Variants in TSHZ2 observed in about 807,000 individuals in gnomAD.
The protein encoded by TSHZ2 is teashirt zinc finger homeobox 2, also known as teashirt homolog 2.
A neutral mutation model predicts 74.4 loss-of-function variants in TSHZ2; 21 were observed. The ratio of observed to expected loss-of-function variants is 0.28; its 90% CI spans 0.20 to 0.41. The LOEUF (loss-of-function observed/expected upper bound fraction) is 0.41, where lower values mean the gene tolerates loss of function less well. Among genes scored for constraint, TSHZ2 ranks in the 10% least tolerant of loss-of-function variants. TSHZ2 has a pLI of 1.00. For synonymous variants in TSHZ2, 540 were observed against 515.3 expected, an observed-to-expected ratio of 1.05 and a Z score of -0.65; for missense variants, 1,244 against 1,293.5, an observed-to-expected ratio of 0.96 and a Z score of 0.59.
At chr20:53,394,139 C>G (rs1982359271) in intron 2 of TSHZ2, among the ~76,000 whole-genome samples, 1 of 152,108 alleles carries the variant, frequency 6.6e-6, no homozygotes, top group Admixed American at 6.6e-5. Flanking sequence ...GATTTATATT[C>G]CCTCAATAAG....
Position 53,475,072 on chromosome 20 carries a change from C to A in TSHZ2, c.*9-12072C>A, listed in dbSNP as rs1985950416. ...ACATTAATAATGGGAGACTTTAACACCCCACTGTCAACATTAGACAGATCA... is the reference window on the plus strand; with the variant it reads ...ACATTAATAATGGGAGACTTTAACAACCCACTGTCAACATTAGACAGATCA... On this transcript the variant is annotated intron_variant, in intron 2 of 2. Transcript: ENST00000371497. Among the ~76,000 whole-genome samples the A allele has an allele frequency of 1.4e-5, 2 of 139,072 alleles. 1 individual carries two copies. Among genetic ancestry groups the A allele is most frequent in the African/African-American group, 5.6e-5 (2 of 35,642 alleles). The allele number at this position is 139,072 out of a possible 152,430, so 91.2% of individuals were successfully genotyped here.
At chr20:53,144,716 G>C (rs918553607) in intron 1 of TSHZ2, among the ~76,000 whole-genome samples, 24 of 152,100 alleles carry the variant, frequency 1.6e-4, no homozygotes, top group African/African-American at 5.8e-4. Context: ...TCTGACTCCG[G>C]AGCTGTGCTC....
intron 2 of TSHZ2, among the ~76,000 whole-genome samples, chr20:53,405,248 C>CAAAAAAAA (rs796097312): frequency 3.7e-4 from 53 of 143,146 alleles, no homozygotes; most frequent in East Asian, 1.4e-3. Context: ...GACTCTGTCT[C>CAAAAAAAA]AAAAAAAAAA....
chr20:53,025,814 A>T (rs1380257589), intron 1 of TSHZ2, among the ~76,000 whole-genome samples: 1 of 152,170 alleles, frequency 6.6e-6, no homozygotes, highest in Non-Finnish European at 1.5e-5. Context: ...ATGTAATATG[A>T]GCTTCCAATT....
At chr20:53,198,520 G>A (rs1422648892) in intron 1 of TSHZ2, among the ~76,000 whole-genome samples, 2 of 152,166 alleles carry the variant, frequency 1.3e-5, no homozygotes, top group Non-Finnish European at 2.9e-5. Flanking sequence ...GGAACCACAC[G>A]TCAAATCTCA....
At chr20:53,213,697 C>CT (rs11480283) in intron 1 of TSHZ2, among the ~76,000 whole-genome samples, 93,563 of 145,234 alleles carry the variant, frequency 0.64, 30,354 homozygotes, top group East Asian at 0.9. Flanking sequence ...ACTAATTGGA[C>CT]TTTTTTTTTT....
intron 1 of TSHZ2, among the ~76,000 whole-genome samples, chr20:53,113,943 A>G (rs1438509037): frequency 6.6e-6 from 1 of 152,036 alleles, no homozygotes; most frequent in African/African-American, 2.4e-5. Flanking sequence ...AAAGGTCCAT[A>G]TAGTCAGGGC....
chr20:53,100,498 A>C (rs999435974), intron 1 of TSHZ2, among the ~76,000 whole-genome samples: 5 of 152,196 alleles, frequency 3.3e-5, no homozygotes, highest in African/African-American at 1.2e-4. Context: ...CTACCACAGG[A>C]TAATGCTTTT....
chr20:53,136,820 A>C (rs1987256506), intron 1 of TSHZ2, among the ~76,000 whole-genome samples: 1 of 152,170 alleles, frequency 6.6e-6, no homozygotes, highest in South Asian at 2.1e-4. Context: ...CTGAGGAAGA[A>C]GGGGAAAAGA....
At chr20:53,372,886 G>C (rs1981528146) in intron 2 of TSHZ2, among the ~76,000 whole-genome samples, 1 of 152,160 alleles carries the variant, frequency 6.6e-6, no homozygotes. Flanking sequence ...AACATACAGG[G>C]GAGGAAAAGC....
chr20:53,079,913 C>T (rs1985480979), intron 1 of TSHZ2, among the ~76,000 whole-genome samples: 1 of 151,766 alleles, frequency 6.6e-6, no homozygotes, highest in Non-Finnish European at 1.5e-5. Flanking sequence ...TGAGTGAAGC[C>T]GTGATTCTGA....
chr20:53,066,536 C>G (rs1238799843), intron 1 of TSHZ2, among the ~76,000 whole-genome samples: 2 of 152,056 alleles, frequency 1.3e-5, no homozygotes, highest in African/African-American at 2.4e-5. Context: ...TTTGTTTGTT[C>G]TGAGACAGAG....
At position 53,265,131 on chromosome 20, in the gene TSHZ2, A is replaced by G. The variant is rs568895641; in HGVS notation, c.*8+8560A>G. Among the ~76,000 whole-genome samples the G allele has an allele frequency of 2.6e-5, 4 of 152,252 alleles. No individual in the cohort carries two copies. The East Asian group carries it at 7.7e-4, about 29-fold the overall frequency. ...AAAACTGGAGAAAGAGGCCAGGGCC[A>G]GAGCGTTCAGGGGTGGGGGAGATGG... On this transcript the variant is annotated intron_variant, in intron 2 of 2. Coordinates refer to ENST00000371497, the MANE Select transcript of TSHZ2 (RefSeq NM_173485.6).
At chr20:53,482,994 C>T (rs1360452542) in intron 2 of TSHZ2, among the ~76,000 whole-genome samples, 1 of 152,216 alleles carries the variant, frequency 6.6e-6, no homozygotes, top group African/African-American at 2.4e-5. Context: ...CTTCTCTTTA[C>T]CCTTCTTCAA....
chr20:53,374,755 C>A (rs1239880412), intron 2 of TSHZ2, among the ~76,000 whole-genome samples: 1 of 152,074 alleles, frequency 6.6e-6, no homozygotes, highest in African/African-American at 2.4e-5. Context: ...TGATGTTGAG[C>A]ATTTTCTCAT....
At chr20:52,977,184 C>T (rs1981373579) in intron 1 of TSHZ2, among the ~76,000 whole-genome samples, 1 of 152,060 alleles carries the variant, frequency 6.6e-6, no homozygotes, top group African/African-American at 2.4e-5. Flanking sequence ...CCAGAAATCT[C>T]AACCAACAGG....
chr20:53,059,939 C>T (rs954380327), intron 1 of TSHZ2, among the ~76,000 whole-genome samples: 1 of 152,084 alleles, frequency 6.6e-6, no homozygotes, highest in Non-Finnish European at 1.5e-5. Flanking sequence ...GCAGATGTAG[C>T]ATTATGGTTT....
intron 2 of TSHZ2, among the ~76,000 whole-genome samples, chr20:53,325,762 C>A (rs1979464853): frequency 6.6e-6 from 1 of 152,094 alleles, no homozygotes; most frequent in Non-Finnish European, 1.5e-5. Context: ...GCCCTCCCGG[C>A]TACTTTAGTA....
chr20:53,253,410 G>A (rs921155590), intron 1 of TSHZ2, 89 bp from the exon 2 acceptor site: 4 of 1,501,890 alleles, frequency 2.7e-6, no homozygotes, highest in African/African-American at 1.4e-5. Flanking sequence ...CGTTCAGTTC[G>A]GCATGGGAAG....
Sources: allele counts gnomAD v4.1 joint callset (sites outside exome capture counted in the v4.1 genomes callset), GRCh38; gene constraint gnomAD v4.1.1; transcripts MANE v1.5; gene names NCBI Gene and HGNC (gene_info 2026-07-23, HGNC 2026-07-21).